Variants in KAT6B observed in about 807,000 individuals in gnomAD.
KAT6B encodes lysine acetyltransferase 6B, also known as histone acetyltransferase KAT6B.
Under a neutral mutation model 187.5 loss-of-function variants are expected in KAT6B, and 10 were observed. The observed-to-expected ratio is 0.05, with a 90% CI of 0.03 to 0.09. The LOEUF (loss-of-function observed/expected upper bound fraction) is 0.09. KAT6B is among the 10% of genes least tolerant of loss of function. The pLI, the probability that KAT6B is intolerant of heterozygous loss-of-function variation, is 1.00. For missense variants in KAT6B, 1,952 were observed against 2,558.9 expected (o/e 0.76, Z 5.12); for synonymous variants, 861 against 926.8 (o/e 0.93, Z 1.29).
At chr10:75,009,953 A>G (rs1589802474) in intron 13 of KAT6B, among the ~76,000 whole-genome samples, 1 of 152,338 alleles carries the variant, frequency 6.6e-6, no homozygotes, top group East Asian at 1.9e-4. Context: ...ATGAGCCGAG[A>G]TCATGCCATT....
chr10:74,847,016 A>C (rs1842155926), intron 3 of KAT6B, among the ~76,000 whole-genome samples: 1 of 152,202 alleles, frequency 6.6e-6, no homozygotes, highest in Non-Finnish European at 1.5e-5. Context: ...CCTTCGCTTT[A>C]ACCTTGCCCG....
At position 74,895,063 on chromosome 10, in the gene KAT6B, T is replaced by G. The variant is rs77760106; in HGVS notation, c.621+51585T>G. On this transcript the variant is annotated intron_variant, in intron 3 of 17. Coordinates refer to ENST00000287239, the MANE Select transcript of KAT6B (RefSeq NM_012330.4). ...GCTTCATATCCTTATCAACACTTGG[T>G]TTTTTTTTTTTTGCCATTTTAATGG... 7.3e-5 allele frequency among the ~76,000 whole-genome samples: 6 copies of G among 81,854 alleles called. No individual in the cohort carries two copies. In the East Asian group the frequency reaches 1.9e-3, roughly 26 times the overall value. 53.7% of individuals were successfully genotyped at this position (81,854 alleles called of 152,430 possible).
chr10:74,863,430 T>G (rs1045778734), intron 3 of KAT6B, among the ~76,000 whole-genome samples: 3 of 152,208 alleles, frequency 2.0e-5, no homozygotes, highest in Non-Finnish European at 4.4e-5. Flanking sequence ...TACTAAAAAT[T>G]TGTGCATGTG....
intron 7 of KAT6B, among the ~76,000 whole-genome samples, chr10:74,974,624 C>T (rs1436866710): frequency 6.6e-6 from 1 of 152,176 alleles, no homozygotes; most frequent in Non-Finnish European, 1.5e-5. Flanking sequence ...TGGGCAGAAC[C>T]AGGGTACAAA....
At chr10:74,914,564 C>T (rs1386340439) in intron 3 of KAT6B, among the ~76,000 whole-genome samples, 2 of 152,078 alleles carry the variant, frequency 1.3e-5, no homozygotes, top group Non-Finnish European at 2.9e-5. Context: ...GAGTGAGGGA[C>T]GTCAGCCAAA....
At position 74,897,317 on chromosome 10, in the gene KAT6B, C is replaced by G. The variant is rs200816113; in HGVS notation, c.621+53839C>G. On this transcript the variant is annotated intron_variant, in intron 3 of 17. Coordinates refer to ENST00000287239, the MANE Select transcript of KAT6B (RefSeq NM_012330.4). ...GCGTGCACCACCTCTTCCTCTCCCC[C>G]GCTCCCCACTCTAACATGACAAGAA... is the stretch of plus-strand genomic sequence containing the variant. 6.6e-5 allele frequency among the ~76,000 whole-genome samples: 10 copies of G among 152,278 alleles called. No homozygotes were observed. The East Asian group carries it at 1.9e-3, about 29-fold the overall frequency.
rs1842234029 is a variant in KAT6B, at chr10:74,977,448, G to T, written c.2115+11G>T. ...GAACTTTCTTGGGAGGTAAGGCGAG[G>T]ATCCCACATTGTAGTAGCAAGTATA... On this transcript the variant is annotated intron_variant, in intron 9 of 17. Coordinates refer to ENST00000287239, the MANE Select transcript of KAT6B (RefSeq NM_012330.4). The T allele has an allele frequency of 6.2e-7, 1 of 1,613,430 alleles. No individual in the cohort carries two copies. The highest frequency in any genetic ancestry group is 1.1e-5 in the South Asian group (1 of 91,044).
chr10:74,906,260 C>T (rs1589593335), intron 3 of KAT6B, among the ~76,000 whole-genome samples: 1 of 151,976 alleles, frequency 6.6e-6, no homozygotes, highest in Admixed American at 6.6e-5. Flanking sequence ...ACTAGCTGGA[C>T]GTGGTGGTGC....
rs769022682 is a variant in KAT6B, at chr10:74,989,160, C to T, written c.2629+48C>T. Reference sequence around the variant, plus strand: ...TTTCATGATCCAGGAAGCTGATGGCCGTTACAGGAAACAGTAAAATATAAA... The same window carrying T: ...TTTCATGATCCAGGAAGCTGATGGCTGTTACAGGAAACAGTAAAATATAAA... On this transcript the variant is annotated intron_variant, in intron 13 of 17. Transcript: ENST00000287239. The T allele has an allele frequency of 2.2e-5, 28 of 1,282,428 alleles. 1 individual carries two copies. In the African/African-American group the frequency reaches 2.2e-4, roughly 10 times the overall value. 79.4% of individuals were successfully genotyped at this position (1,282,428 alleles called of 1,614,324 possible).
chr10:74,956,028 G>A (rs528634152), intron 3 of KAT6B, among the ~76,000 whole-genome samples: 5 of 151,970 alleles, frequency 3.3e-5, no homozygotes, highest in South Asian at 2.1e-4. Context: ...AGCTCAAGCC[G>A]TCCTCCCACC....
At chr10:74,826,286 A>G (rs573102848), upstream of KAT6B, among the ~76,000 whole-genome samples, 1 of 152,162 alleles carries the variant, frequency 6.6e-6, no homozygotes, top group African/African-American at 2.4e-5. Flanking sequence ...CGCGGTATCT[A>G]GGAGAGAGAA....
chr10:75,019,943 G>A (rs1845265499), intron 13 of KAT6B, among the ~76,000 whole-genome samples: 1 of 152,100 alleles, frequency 6.6e-6, no homozygotes, highest in Non-Finnish European at 1.5e-5. Flanking sequence ...TTCTGGGATT[G>A]GATTGTAAAT....
chr10:74,846,674 T>C (rs1264223518), intron 3 of KAT6B, among the ~76,000 whole-genome samples: 1 of 152,096 alleles, frequency 6.6e-6, no homozygotes, highest in Admixed American at 6.6e-5. Context: ...CCTGACCTCA[T>C]GGTCCACCTG....
rs375996703 is a variant in KAT6B at position 74,987,938 on chromosome 10, C to T, written c.2536-1081C>T. 1.2e-3 allele frequency among the ~76,000 whole-genome samples: 179 copies of T among 152,334 alleles called. 4 individuals are homozygous for T. The South Asian group carries it at 0.036, about 31-fold the overall frequency. On this transcript the variant is annotated intron_variant, in intron 12 of 17. Transcript: ENST00000287239. ...CATCCAGTGAGGGACAATTCATCTT[C>T]TTAGAAAAACTGACACACATTGCTT... is the stretch of plus-strand genomic sequence containing the variant.
At chr10:74,906,168 G>A (rs1304007420) in intron 3 of KAT6B, among the ~76,000 whole-genome samples, 4 of 152,144 alleles carry the variant, frequency 2.6e-5, no homozygotes, top group Non-Finnish European at 5.9e-5. Context: ...GGGAGGCCGA[G>A]GCAGGTGGAT....
intron 3 of KAT6B, among the ~76,000 whole-genome samples, chr10:74,878,619 CA>C (rs11365400): frequency 0.27 from 19,224 of 71,994 alleles, 1,908 homozygotes; most frequent in African/African-American, 0.46. Flanking sequence ...GACTCCATCT[CA>C]AAAAAAAAAA....
At chr10:74,851,395 G>A (rs948331524) in intron 3 of KAT6B, among the ~76,000 whole-genome samples, 5 of 150,366 alleles carry the variant, frequency 3.3e-5, no homozygotes, top group South Asian at 2.1e-4. Context: ...GTGCAGTGGC[G>A]CGATCTCGGC....
At chr10:74,984,104 T>C (rs1231493581) in intron 11 of KAT6B, 1 of 152,236 alleles carries the variant, frequency 6.6e-6, no homozygotes, top group Non-Finnish European at 1.5e-5. Context: ...AAACTTCCTT[T>C]AATTAAAGGG....
chr10:74,850,678 T>G (rs1842422489), intron 3 of KAT6B, among the ~76,000 whole-genome samples: 1 of 152,246 alleles, frequency 6.6e-6, no homozygotes, highest in Non-Finnish European at 1.5e-5. Flanking sequence ...ATGTTTCTCA[T>G]TAAAAGTAGT....
Sources: gnomAD v4.1 joint callset for allele counts (sites outside exome capture counted in the v4.1 genomes callset) on GRCh38, gnomAD v4.1.1 for gene constraint, MANE v1.5 for transcripts, NCBI Gene and HGNC (gene_info 2026-07-23, HGNC 2026-07-21) for gene names.